The following DPEP2 variants were observed in gnomAD, a reference collection of about 807,000 sequenced individuals.
DPEP2 encodes the protein dipeptidase 2.
In DPEP2, 45 loss-of-function variants were observed where a neutral mutation model predicts 51.8. The ratio of observed to expected loss-of-function variants is 0.87; its 90% CI spans 0.68 to 1.11. The LOEUF is 1.11. Among genes scored for constraint, DPEP2 ranks in the 50% most tolerant of loss-of-function variants. The pLI, the probability that DPEP2 is intolerant of heterozygous loss-of-function variation, is 0.00. For synonymous variants in DPEP2, 255 were observed against 262.7 expected, an observed-to-expected ratio of 0.97 and a Z score of 0.28; for missense variants, 604 against 631.9, an observed-to-expected ratio of 0.96 and a Z score of 0.47.
At chr16:67,996,668 G>T (rs1368687558) in intron 1 of DPEP2, among the ~76,000 whole-genome samples, 1 of 151,780 alleles carries the variant, frequency 6.6e-6, no homozygotes, top group Non-Finnish European at 1.5e-5. Context: ...AGGTGTGAGC[G>T]ACCGCACTCG....
intron 1 of DPEP2, chr16:67,994,627 C>T (rs2151386865): frequency 1.0e-6 from 1 of 984,808 alleles, no homozygotes; most frequent in Non-Finnish European, 1.2e-6. Flanking sequence ...TGGAGCCTCC[C>T]CCACGTGGCA....
intron 7 of DPEP2, 77 bp from the exon 8 acceptor site, chr16:67,990,208 C>G (rs1307772826): frequency 2.9e-6 from 4 of 1,399,150 alleles, no homozygotes; most frequent in Non-Finnish European, 4.0e-6. Context: ...CTCTGGATCC[C>G]TGGAGAGGGT....
Position 67,991,206 on chromosome 16 carries a change from G to A in DPEP2, c.663-22C>T. 4 of 1,611,736 alleles carry A rather than the reference G, an allele frequency of 2.5e-6. No homozygotes were observed. Among genetic ancestry groups the A allele is most frequent in the Non-Finnish European group, 3.4e-6 (4 of 1,179,640 alleles). ...TGCCCTGCAGGGTGGCCAGGAAGCA[G>A]TCTGACTGGTAGCTGTTCCTCGGCC... On this transcript the variant is annotated intron_variant, in intron 5 of 10. Transcript: ENST00000393847. This position sits in a 1 kb window ranked among gnomAD's most constrained non-coding sequence, Gnocchi z 5.1.
At chr16:67,989,507 G>T (rs2031854808) in intron 8 of DPEP2, 109 bp from the exon 9 acceptor site, 2 of 1,165,822 alleles carry the variant, frequency 1.7e-6, no homozygotes, top group Admixed American at 1.9e-5. Flanking sequence ...GGCCAGGCAG[G>T]CTAATTCCTT....
intron 1 of DPEP2, among the ~76,000 whole-genome samples, chr16:67,998,011 C>T (rs527960862): frequency 3.3e-5 from 5 of 152,180 alleles, no homozygotes; most frequent in African/African-American, 9.7e-5. Context: ...AGGTCTGTGC[C>T]ACTGATATTG....
intron 1 of DPEP2, 87 bp from the exon 2 acceptor site, chr16:67,993,344 G>A (rs1323803553): frequency 1.5e-6 from 2 of 1,306,132 alleles, no homozygotes; most frequent in African/African-American, 1.5e-5. Context: ...TCAAGAGGAG[G>A]GTAACGAAGT....
chr16:67,991,733 G>A lies in DPEP2; in HGVS notation c.662+105C>T. On this transcript the variant is annotated intron_variant, in intron 5 of 10. Transcript: ENST00000393847. The surrounding 1 kb of genome is among the most constrained non-coding windows in gnomAD (Gnocchi z 5.1). ...TCCCAGCTCCCCTCCCCACTCCAGA[G>A]TCAGTGCCACATCCCATGGGTAAAG... 1 of 1,489,978 alleles carries A rather than the reference G, an allele frequency of 6.7e-7. No homozygotes were observed. Among genetic ancestry groups the A allele is most frequent in the Non-Finnish European group, 9.0e-7 (1 of 1,105,870 alleles). The allele number at this position is 1,489,978 out of a possible 1,614,324, so 92.3% of individuals were successfully genotyped here.
Position 67,991,769 on chromosome 16 carries a change from G to A in DPEP2, c.662+69C>T. ...ATCCCATGGGTAAAGCTTGTTCTGGGCCCACAGTGACCTCAGGCAGATCTC... is the reference window on the plus strand; with the variant it reads ...ATCCCATGGGTAAAGCTTGTTCTGGACCCACAGTGACCTCAGGCAGATCTC... On this transcript the variant is annotated intron_variant, in intron 5 of 10. Coordinates refer to ENST00000393847, the MANE Select transcript of DPEP2 (RefSeq NM_022355.4). This position sits in a 1 kb window ranked among gnomAD's most constrained non-coding sequence, Gnocchi z 5.1. 1.3e-6 allele frequency: 2 copies of A among 1,577,918 alleles called. No homozygotes were observed. The highest frequency in any genetic ancestry group is 2.3e-5 in the South Asian group (2 of 85,200).
At chr16:67,992,867 C>T in intron 2 of DPEP2, 83 bp downstream of exon 2, 1 of 1,510,280 alleles carries the variant, frequency 6.6e-7, no homozygotes, top group Non-Finnish European at 8.9e-7. Flanking sequence ...AGGGAGCCTC[C>T]TCCACAGCCC....
intron 1 of DPEP2, chr16:67,994,131 G>A: frequency 1.0e-6 from 1 of 985,414 alleles, no homozygotes; most frequent in Non-Finnish European, 1.2e-6. Flanking sequence ...GTCTTGTCTA[G>A]GGCAGCAGAG....
At chr16:67,990,166 C>G in intron 7 of DPEP2, 35 bp from the exon 8 acceptor site, 2 of 1,608,668 alleles carry the variant, frequency 1.2e-6, no homozygotes, top group Admixed American at 1.7e-5. Context: ...TTAGCCTGGC[C>G]CCTCAGCAAA....
At position 67,992,930 on chromosome 16, in the gene DPEP2, C is replaced by G. The variant is rs1211111240; in HGVS notation, c.263+20G>C. On this transcript the variant is annotated intron_variant, in intron 2 of 10. Transcript: ENST00000393847. ...AGGAGTGTGCTCAGCTCCCATCGCC[C>G]CCTTGCAGCAATTACGCACCCGTCC... The G allele has an allele frequency of 3.7e-6, 6 of 1,601,912 alleles. No individual in the cohort carries two copies. The highest frequency in any genetic ancestry group is 3.4e-6 in the Non-Finnish European group (4 of 1,173,880).
intron 3 of DPEP2, 74 bp downstream of exon 3, chr16:67,992,436 G>A: frequency 6.5e-7 from 1 of 1,544,038 alleles, no homozygotes; most frequent in Non-Finnish European, 8.8e-7. Context: ...ACTAACTTGT[G>A]ATCTCTGGGG....
At position 67,991,999 on chromosome 16, in the gene DPEP2, G is replaced by C. The variant is rs2032218432; in HGVS notation, c.521-20C>G. On this transcript the variant is annotated intron_variant, in intron 4 of 10. Transcript: ENST00000393847. This position sits in a 1 kb window ranked among gnomAD's most constrained non-coding sequence, Gnocchi z 5.1. ...TCAGAGCTGGGGGCAGGTAGGTCAG[G>C]TGATTACTTTCCAGGGCTGGAGTAG... 1 of 1,614,090 alleles carries C rather than the reference G, an allele frequency of 6.2e-7. No individual in the cohort carries two copies. Among genetic ancestry groups the C allele is most frequent in the Middle Eastern group, 1.6e-4 (1 of 6,062 alleles).
In DPEP2 at chr16:67,987,410, A is replaced by G. The variant is rs1424014753; in HGVS notation, c.*96T>C. On this transcript the variant is annotated 3_prime_UTR_variant, in exon 11 of 11. Coordinates refer to ENST00000393847, the MANE Select transcript of DPEP2 (RefSeq NM_022355.4). ...TCAGGTCTGTTTCTATGTCCAAAAC[A>G]TTTATTTCAGGAAATATTTGTGCCT... 1 of 1,504,226 alleles carries G rather than the reference A, an allele frequency of 6.6e-7. No individual in the cohort carries two copies. The highest frequency in any genetic ancestry group is 9.0e-7 in the Non-Finnish European group (1 of 1,113,346). 93.2% of individuals were successfully genotyped at this position (1,504,226 alleles called of 1,614,324 possible).
chr16:67,994,229 G>T, intron 1 of DPEP2: 1 of 985,510 alleles, frequency 1.0e-6, no homozygotes, highest in South Asian at 4.7e-5. Context: ...CCCCGGCCTC[G>T]TCCAGGTCAG....
rs1598272229 is a variant in DPEP2 at position 67,992,816 on chromosome 16, AC to A, written c.263+133del. 10 of 1,477,250 alleles carry A rather than the reference AC, an allele frequency of 6.8e-6. No individual in the cohort carries two copies. The East Asian group carries it at 2.4e-4, about 35-fold the overall frequency. The allele number at this position is 1,477,250 out of a possible 1,614,324, so 91.5% of individuals were successfully genotyped here. A position where few individuals can be genotyped will look rare whatever the true frequency, so the allele number is the denominator to read the frequency against. ...GAGGGGATGACAGAGGGGAAAGGGTACCCATGCATGACGGGAGAGAGGGCAT... is the reference window on the plus strand; with the variant it reads ...GAGGGGATGACAGAGGGGAAAGGGTACCATGCATGACGGGAGAGAGGGCAT... On this transcript the variant is annotated intron_variant, in intron 2 of 10. Coordinates refer to ENST00000393847, the MANE Select transcript of DPEP2 (RefSeq NM_022355.4).
At chr16:67,988,962 A>T (rs1365416171) in intron 9 of DPEP2, among the ~76,000 whole-genome samples, 1 of 152,044 alleles carries the variant, frequency 6.6e-6, no homozygotes, top group Non-Finnish European at 1.5e-5. Flanking sequence ...GACAAAGAAG[A>T]AGGAGGACGA....
At chr16:67,995,919 G>A (rs1241856381) in intron 1 of DPEP2, among the ~76,000 whole-genome samples, 1 of 151,846 alleles carries the variant, frequency 6.6e-6, no homozygotes, top group Non-Finnish European at 1.5e-5. Flanking sequence ...AGCCGAGATT[G>A]GGCCACTGAA....
Sources: allele counts gnomAD v4.1 joint callset (sites outside exome capture counted in the v4.1 genomes callset), GRCh38; gene constraint gnomAD v4.1.1; non-coding constraint Gnocchi (gnomAD v3.1); transcripts MANE v1.5; gene names NCBI Gene and HGNC (gene_info 2026-07-23, HGNC 2026-07-21).